Variants in CLIC4 observed in about 807,000 individuals in gnomAD.
CLIC4 encodes chloride intracellular channel protein 4.
CLIC4 carries 13 observed loss-of-function variants against 24.6 expected under a neutral mutation model. The observed-to-expected ratio is 0.53, with a 90% CI of 0.34 to 0.84. CLIC4 has a LOEUF of 0.84. Among genes scored for constraint, CLIC4 ranks in the 40% least tolerant of loss-of-function variants. The probability of loss-of-function intolerance (pLI) is 0.01; values close to 1 mark genes in which losing one functional copy is unlikely to be tolerated. For synonymous variants in CLIC4, 104 were observed against 111.3 expected, an observed-to-expected ratio of 0.93 and a Z score of 0.41; for missense variants, 227 against 301.7, an observed-to-expected ratio of 0.75 and a Z score of 1.83.
chr1:24,798,408 G>A (rs969151246), intron 2 of CLIC4, among the ~76,000 whole-genome samples: 32 of 152,280 alleles, frequency 2.1e-4, no homozygotes, highest in African/African-American at 7.2e-4. Context: ...CCCGGTGTCT[G>A]TTCTTGCTAA....
At chr1:24,783,694 G>C (rs1639233061) in intron 1 of CLIC4, among the ~76,000 whole-genome samples, 1 of 152,040 alleles carries the variant, frequency 6.6e-6, no homozygotes, top group Admixed American at 6.6e-5. Flanking sequence ...CAGAGCAAGA[G>C]TCTGTCTCAA....
chr1:24,751,970 T>C (rs1331319233), intron 1 of CLIC4, among the ~76,000 whole-genome samples: 4 of 152,232 alleles, frequency 2.6e-5, no homozygotes, highest in African/African-American at 9.6e-5. Flanking sequence ...GGATGATCAC[T>C]GTCAGCAAGT....
intron 1 of CLIC4, among the ~76,000 whole-genome samples, chr1:24,754,995 C>T (rs1638827347): frequency 1.3e-5 from 2 of 150,152 alleles, no homozygotes; most frequent in Admixed American, 6.7e-5. Context: ...TTGCTTTAAC[C>T]TGGGAGGCGG....
At chr1:24,835,400 TA>T (rs1639876507) in intron 4 of CLIC4, among the ~76,000 whole-genome samples, 1 of 151,880 alleles carries the variant, frequency 6.6e-6, no homozygotes, top group Non-Finnish European at 1.5e-5. Context: ...CCATCTCTAC[TA>T]AAAATACAAA....
At chr1:24,825,171 A>G (rs1291246028) in intron 3 of CLIC4, among the ~76,000 whole-genome samples, 1 of 152,200 alleles carries the variant, frequency 6.6e-6, no homozygotes, top group African/African-American at 2.4e-5. Context: ...TATTTTAAGA[A>G]CTATGAGGCT....
rs1305006134 is a variant in CLIC4 at position 24,805,957 on chromosome 1, C to T, written c.182+8106C>T. Reference sequence around the variant, plus strand: ...GAAACAACAGAATAATTTATTTCATCTGAAAGACTACCATGATACATGAGG... The same window carrying T: ...GAAACAACAGAATAATTTATTTCATTTGAAAGACTACCATGATACATGAGG... On this transcript the variant is annotated intron_variant, in intron 2 of 5. Coordinates refer to ENST00000374379, the MANE Select transcript of CLIC4 (RefSeq NM_013943.3). Among the ~76,000 whole-genome samples the T allele has an allele frequency of 2.0e-5, 3 of 152,128 alleles. No homozygotes were observed. In the East Asian group the frequency reaches 5.8e-4, roughly 29 times the overall value.
At chr1:24,765,274 C>A (rs1638979318) in intron 1 of CLIC4, among the ~76,000 whole-genome samples, 1 of 152,156 alleles carries the variant, frequency 6.6e-6, no homozygotes, top group Non-Finnish European at 1.5e-5. Context: ...TTGACTACAT[C>A]TATGAAATAT....
rs951985197 is a variant in CLIC4 at position 24,842,005 on chromosome 1, A to G, written c.*1068A>G. ...CTAAAGAATGCGTTATCCATCCTAT[A>G]TAAAAGAAAGATAAAACACAGGTCA... On this transcript the variant is annotated 3_prime_UTR_variant, in exon 6 of 6. Coordinates refer to ENST00000374379, the MANE Select transcript of CLIC4 (RefSeq NM_013943.3). 6 of 152,658 alleles carry G rather than the reference A, an allele frequency of 3.9e-5. No individual in the cohort carries two copies. The highest frequency in any genetic ancestry group is 1.4e-4 in the African/African-American group (6 of 41,470). 9.5% of individuals were successfully genotyped at this position (152,658 alleles called of 1,614,324 possible).
chr1:24,773,973 T>C (rs1639101844), intron 1 of CLIC4, among the ~76,000 whole-genome samples: 1 of 152,072 alleles, frequency 6.6e-6, no homozygotes, highest in Admixed American at 6.5e-5. Flanking sequence ...TATTTTAATT[T>C]TAATTTTTTT....
chr1:24,836,001 C>T (rs1179475281), intron 4 of CLIC4, among the ~76,000 whole-genome samples: 2 of 152,168 alleles, frequency 1.3e-5, no homozygotes, highest in Admixed American at 6.5e-5. Flanking sequence ...CACACAAATA[C>T]ATACATGAAA....
chr1:24,761,977 G>T (rs1339388263), intron 1 of CLIC4, among the ~76,000 whole-genome samples: 1 of 152,118 alleles, frequency 6.6e-6, no homozygotes, highest in Non-Finnish European at 1.5e-5. Context: ...GTATAAGATG[G>T]CTGAGATGTC....
In CLIC4 at chr1:24,840,808, A is replaced by G; in HGVS notation, c.633A>G (p.Pro211=). The G allele has an allele frequency of 1.2e-6, 2 of 1,608,950 alleles. No homozygotes were observed. Among genetic ancestry groups the G allele is most frequent in the Non-Finnish European group, 1.7e-6 (2 of 1,177,886 alleles). ...AAAAATATCGCAACTTTGATATTCC[A>G]AAAGAAATGACTGGCATCTGGAGAT... The part of the protein sequence containing the change: ...VAKKYRNFDI[P]KEMTGIWRYL... The change falls in exon 6 of 6, where the codon CCA becomes CCG. Residue 211 remains proline (P), a synonymous_variant. Coordinates refer to ENST00000374379, the MANE Select transcript of CLIC4 (RefSeq NM_013943.3).
chr1:24,801,004 A>C (rs1036419162), intron 2 of CLIC4, among the ~76,000 whole-genome samples: 5 of 149,640 alleles, frequency 3.3e-5, no homozygotes, highest in Admixed American at 1.3e-4. Flanking sequence ...TCCCTCCACT[A>C]TTGTCCCATG....
At chr1:24,750,910 A>AC (rs2124076635) in intron 1 of CLIC4, among the ~76,000 whole-genome samples, 1 of 152,160 alleles carries the variant, frequency 6.6e-6, no homozygotes, top group South Asian at 2.1e-4. Flanking sequence ...CCTACTAGAT[A>AC]GACAGTAAAT....
intron 1 of CLIC4, among the ~76,000 whole-genome samples, chr1:24,748,855 A>T (rs997834254): frequency 6.6e-6 from 1 of 152,130 alleles, no homozygotes; most frequent in Non-Finnish European, 1.5e-5. Context: ...GGTAAAGGGC[A>T]TTCTTGATCT....
intron 1 of CLIC4, among the ~76,000 whole-genome samples, chr1:24,766,479 T>G (rs1370139635): frequency 2.4e-4 from 1 of 4,124 alleles, no homozygotes; most frequent in Non-Finnish European, 7.4e-4. Flanking sequence ...GACGGTTTTT[T>G]TTTTTTTTTT....
intron 1 of CLIC4, among the ~76,000 whole-genome samples, chr1:24,792,035 C>T (rs1423984425): frequency 2.4e-5 from 3 of 126,976 alleles, no homozygotes; most frequent in Non-Finnish European, 4.7e-5. Flanking sequence ...GGCAACAGAG[C>T]GAGACTCCAC....
chr1:24,747,306 T>C (rs3131501), intron 1 of CLIC4, among the ~76,000 whole-genome samples: 7,063 of 151,314 alleles, frequency 0.047, 535 homozygotes, highest in African/African-American at 0.16. Context: ...GAGGCTGAGG[T>C]GGGCAGATCA....
intron 4 of CLIC4, among the ~76,000 whole-genome samples, chr1:24,827,548 T>G (rs1188536915): frequency 6.6e-6 from 1 of 151,354 alleles, no homozygotes; most frequent in Non-Finnish European, 1.5e-5. Context: ...TGAGGTTTTT[T>G]TTTTTTTTTT....
Sources: gnomAD v4.1 joint callset for allele counts (sites outside exome capture counted in the v4.1 genomes callset) on GRCh38, gnomAD v4.1.1 for gene constraint, MANE v1.5 for transcripts, NCBI Gene and HGNC (gene_info 2026-07-23, HGNC 2026-07-21) for gene names.